The following MCTP2 variants were observed in gnomAD, a reference collection of about 807,000 sequenced individuals.
MCTP2 encodes the protein multiple C2 and transmembrane domain-containing protein 2.
A neutral mutation model predicts 111.6 loss-of-function variants in MCTP2; 132 were observed. The observed-to-expected ratio is 1.18, with a 90% CI of 1.03 to 1.37. The LOEUF is 1.37. Among genes scored for constraint, MCTP2 ranks in the 40% most tolerant of loss-of-function variants. The pLI is 0.00. For missense variants in MCTP2, 1,183 were observed against 1,067.9 expected, an observed-to-expected ratio of 1.11 and a Z score of -1.50; for synonymous variants, 395 against 387.7, an observed-to-expected ratio of 1.02 and a Z score of -0.22.
chr15:94,357,906 G>A (rs1361666294), intron 9 of MCTP2, among the ~76,000 whole-genome samples: 2 of 152,148 alleles, frequency 1.3e-5, no homozygotes, highest in African/African-American at 2.4e-5. Flanking sequence ...AGTCACTCTC[G>A]TTAATTTTTA....
In MCTP2 at chr15:94,370,573, T is replaced by G. The variant is rs1222516782; in HGVS notation, c.1582+393T>G. Among the ~76,000 whole-genome samples the G allele has an allele frequency of 2.0e-5, 3 of 152,324 alleles. No individual in the cohort carries two copies. In the East Asian group the frequency reaches 5.8e-4, roughly 29 times the overall value. ...GAATGGTTCACATGGTTCATAAATC[T>G]GAGCTTGAAGTCAGATCTGGCTGGC... On this transcript the variant is annotated intron_variant, in intron 12 of 22. Transcript: ENST00000357742.
intron 1 of MCTP2, among the ~76,000 whole-genome samples, chr15:94,278,593 T>C (rs957717480): frequency 6.6e-6 from 1 of 152,148 alleles, no homozygotes; most frequent in Non-Finnish European, 1.5e-5. Context: ...TCAACTGTTA[T>C]TTTAGTTTCA....
At chr15:94,252,401 C>G (rs1255895747) in intron 1 of MCTP2, among the ~76,000 whole-genome samples, 1 of 152,174 alleles carries the variant, frequency 6.6e-6, no homozygotes, top group Non-Finnish European at 1.5e-5. Context: ...ACAGAGCTTA[C>G]TACAGTTGTA....
chr15:94,309,519 G>A lies in MCTP2; in HGVS notation c.466-4763G>A, dbSNP rs186024152. The stretch of plus-strand genomic sequence containing the variant: ...TAATTTTTAATTTGGCTTCCTGTGT[G>A]TGCCTCATAGTAAGACCCTTCAGAC... On this transcript the variant is annotated intron_variant, in intron 2 of 22. Transcript: ENST00000357742. Among the ~76,000 whole-genome samples, 516 of 152,266 alleles carry A rather than the reference G, an allele frequency of 3.4e-3. 1 individual carries two copies. The highest frequency in any genetic ancestry group is 5.4e-3 in the Non-Finnish European group (370 of 68,024).
intron 21 of MCTP2, among the ~76,000 whole-genome samples, chr15:94,473,387 G>C (rs538351244): frequency 1.8e-4 from 27 of 152,278 alleles, no homozygotes; most frequent in East Asian, 9.6e-4. Flanking sequence ...TTAGGCCTAT[G>C]ACCTCTCCTG....
chr15:94,483,073 G>A lies in MCTP2; in HGVS notation c.*4039G>A, dbSNP rs939018932. 12 of 152,046 alleles carry A rather than the reference G, an allele frequency of 7.9e-5. No individual in the cohort carries two copies. Among genetic ancestry groups the A allele is most frequent in the African/African-American group, 2.9e-4 (12 of 41,386 alleles). 9.4% of individuals were successfully genotyped at this position (152,046 alleles called of 1,614,324 possible). ...AAAAATTCCACTGTGGAGAAGAAAG[G>A]AGAGAGAGAGGGCTGGAATTTGGAA... is the stretch of plus-strand genomic sequence containing the variant. On this transcript the variant is annotated 3_prime_UTR_variant, in exon 23 of 23. Transcript: ENST00000357742.
chr15:94,454,209 T>C (rs952669739), intron 19 of MCTP2, among the ~76,000 whole-genome samples: 34 of 152,352 alleles, frequency 2.2e-4, no homozygotes, highest in Non-Finnish European at 3.8e-4. Context: ...ACATTTAGTA[T>C]TGAGAATCAT....
In MCTP2 at chr15:94,478,837, T is replaced by G. The variant is rs1253709655; in HGVS notation, c.2569-129T>G. The G allele has an allele frequency of 5.5e-6, 4 of 726,364 alleles. No individual in the cohort carries two copies. In the East Asian group the frequency reaches 1.1e-4, roughly 20 times the overall value. 45.0% of individuals were successfully genotyped at this position (726,364 alleles called of 1,614,324 possible). A position where few individuals can be genotyped will look rare whatever the true frequency, so the allele number is the denominator to read the frequency against. The stretch of plus-strand genomic sequence containing the variant: ...AATTAATCCCTCCATGTTCCTGTGT[T>G]TAGAAAATGATTCATTACCTTTGAA... On this transcript the variant is annotated intron_variant, in intron 22 of 22. Transcript: ENST00000357742.
At chr15:94,250,522 C>T (rs2072338512) in intron 1 of MCTP2, among the ~76,000 whole-genome samples, 1 of 152,158 alleles carries the variant, frequency 6.6e-6, no homozygotes, top group African/African-American at 2.4e-5. Context: ...AAGCACCTGG[C>T]TCCTCAAAGA....
At chr15:94,335,242 T>C (rs150560795) in intron 4 of MCTP2, among the ~76,000 whole-genome samples, 163 of 152,308 alleles carry the variant, frequency 1.1e-3, no homozygotes, top group African/African-American at 3.6e-3. Context: ...CCTTCCCTCT[T>C]CGTATTAAAG....
chr15:94,338,783 G>A (rs1012086243), intron 4 of MCTP2, among the ~76,000 whole-genome samples: 2 of 152,294 alleles, frequency 1.3e-5, no homozygotes, highest in South Asian at 2.1e-4. Context: ...TAATCTCTAC[G>A]CCTCCAGTTT....
intron 10 of MCTP2, 148 bp downstream of exon 10, chr15:94,358,760 T>A: frequency 1.2e-6 from 1 of 855,936 alleles, no homozygotes; most frequent in Non-Finnish European, 1.8e-6. Context: ...CAGTCCTAAC[T>A]GGGGGAAAGT....
intron 1 of MCTP2, among the ~76,000 whole-genome samples, chr15:94,252,630 A>G (rs533475217): frequency 2.7e-5 from 4 of 149,632 alleles, no homozygotes; most frequent in Non-Finnish European, 1.5e-5. Flanking sequence ...TCTGGTTTAC[A>G]GATTTTTTTT....
At chr15:94,315,396 A>G in intron 3 of MCTP2, 133 bp from the exon 4 acceptor site, 1 of 619,868 alleles carries the variant, frequency 1.6e-6, no homozygotes, top group South Asian at 2.1e-5. Flanking sequence ...TGTCATAGTG[A>G]GGAGGAGTTG....
intron 1 of MCTP2, among the ~76,000 whole-genome samples, chr15:94,265,051 T>C (rs966490448): frequency 6.6e-6 from 1 of 152,204 alleles, no homozygotes; most frequent in African/African-American, 2.4e-5. Context: ...GTATGCCTGT[T>C]GTGCTGATTT....
intron 12 of MCTP2, among the ~76,000 whole-genome samples, chr15:94,378,457 A>G (rs892220837): frequency 2.0e-5 from 3 of 152,092 alleles, no homozygotes; most frequent in Non-Finnish European, 4.4e-5. Context: ...CAGGAATTCA[A>G]AGTTACAGTA....
intron 1 of MCTP2, among the ~76,000 whole-genome samples, chr15:94,237,112 G>A (rs1313869790): frequency 1.3e-5 from 2 of 152,136 alleles, no homozygotes; most frequent in Non-Finnish European, 2.9e-5. Context: ...TGACCCCAAG[G>A]TAGAGATGTT....
chr15:94,278,147 G>A (rs993764532), intron 1 of MCTP2: 1 of 151,938 alleles, frequency 6.6e-6, no homozygotes, highest in Non-Finnish European at 1.5e-5. Context: ...TTTATTCGGA[G>A]GTACAGATAC....
chr15:94,328,673 G>GA (rs1567436915), intron 4 of MCTP2, among the ~76,000 whole-genome samples: 1 of 152,168 alleles, frequency 6.6e-6, no homozygotes, highest in Admixed American at 6.5e-5. Context: ...CTGTCATGGT[G>GA]AAGGGTGTTA....
Sources: gnomAD v4.1 joint callset for allele counts (sites outside exome capture counted in the v4.1 genomes callset) on GRCh38, gnomAD v4.1.1 for gene constraint, MANE v1.5 for transcripts, NCBI Gene and HGNC (gene_info 2026-07-23, HGNC 2026-07-21) for gene names.